The following CTNNA2 variants were observed in gnomAD, a reference collection of about 807,000 sequenced individuals.
The protein encoded by CTNNA2 is catenin alpha-2.
Under a neutral mutation model 101.0 loss-of-function variants are expected in CTNNA2, and 42 were observed. That is an observed-to-expected ratio of 0.42 (90% CI 0.32 to 0.54). The LOEUF is 0.54. CTNNA2 is among the 20% of genes least tolerant of loss of function. The pLI is 0.14. For synonymous variants in CTNNA2, 450 were observed against 456.4 expected (o/e 0.99, Z 0.18); for missense variants, 871 against 1,223.1 (o/e 0.71, Z 4.29).
At chr2:79,948,561 T>G (rs186727746) in intron 7 of CTNNA2, among the ~76,000 whole-genome samples, 34 of 152,316 alleles carry the variant, frequency 2.2e-4, no homozygotes, top group Admixed American at 7.8e-4. Flanking sequence ...AGAGAAGATA[T>G]TGATGTGAGA....
intron 2 of CTNNA2, among the ~76,000 whole-genome samples, chr2:79,280,663 A>AAG (rs1221321835): frequency 8.1e-5 from 4 of 49,346 alleles, no homozygotes; most frequent in Non-Finnish European, 1.1e-4. Flanking sequence ...GTGTAAGAGA[A>AAG]AGAGAGAGAG....
At chr2:80,151,855 C>T (rs1703721297) in intron 7 of CTNNA2, among the ~76,000 whole-genome samples, 1 of 152,234 alleles carries the variant, frequency 6.6e-6, no homozygotes, top group Non-Finnish European at 1.5e-5. Context: ...CAACCCCACT[C>T]TTTTCATCCT....
chr2:79,253,547 G>T (rs1216668847), intron 2 of CTNNA2, among the ~76,000 whole-genome samples: 1 of 152,190 alleles, frequency 6.6e-6, no homozygotes, highest in East Asian at 1.9e-4. Flanking sequence ...CTGGTAGGCT[G>T]CCAGGAACCC....
chr2:79,795,940 G>T (rs546040992), intron 3 of CTNNA2, among the ~76,000 whole-genome samples: 28 of 152,070 alleles, frequency 1.8e-4, no homozygotes, highest in Non-Finnish European at 2.5e-4. Flanking sequence ...ACTCAGTTCC[G>T]TTTTGTTATG....
intron 4 of CTNNA2, among the ~76,000 whole-genome samples, chr2:79,438,409 G>A (rs1393435147): frequency 6.6e-6 from 1 of 152,198 alleles, no homozygotes; most frequent in Non-Finnish European, 1.5e-5. Context: ...TTTTAGCACT[G>A]AAAGTCCTAT....
chr2:80,304,330 G>C (rs1437789553), intron 7 of CTNNA2: 1 of 152,936 alleles, frequency 6.5e-6, no homozygotes, highest in Non-Finnish European at 1.5e-5. Flanking sequence ...AGGGCGGCCG[G>C]CAAGGCGGGG....
At chr2:79,229,362 G>A (rs776751595) in intron 2 of CTNNA2, among the ~76,000 whole-genome samples, 1 of 152,086 alleles carries the variant, frequency 6.6e-6, no homozygotes, top group East Asian at 1.9e-4. Context: ...GGTCTTTCCC[G>A]TGCTATTCTC....
chr2:79,915,040 TG>T (rs1233824484), intron 7 of CTNNA2, among the ~76,000 whole-genome samples: 1 of 152,066 alleles, frequency 6.6e-6, no homozygotes, highest in Admixed American at 6.6e-5. Flanking sequence ...CCCGGTTTTA[TG>T]GCCTATACAC....
intron 3 of CTNNA2, among the ~76,000 whole-genome samples, chr2:79,855,220 C>T (rs201196947): frequency 1.3e-5 from 2 of 152,088 alleles, no homozygotes; most frequent in South Asian, 2.1e-4. Flanking sequence ...CTTTCTTTCT[C>T]TCTCTCTCTG....
At chr2:79,637,283 G>A (rs759871846) in intron 1 of CTNNA2, among the ~76,000 whole-genome samples, 8 of 152,198 alleles carry the variant, frequency 5.3e-5, no homozygotes, top group Non-Finnish European at 1.2e-4. Context: ...ACAGAAGAGA[G>A]AGTACAGTTG....
At chr2:80,367,002 G>A (rs1181916603) in intron 7 of CTNNA2, among the ~76,000 whole-genome samples, 1 of 135,768 alleles carries the variant, frequency 7.4e-6, no homozygotes, top group Non-Finnish European at 1.5e-5. Flanking sequence ...GAGACAAATG[G>A]TTGCATTTTT....
chr2:79,924,339 G>T (rs1183284679), intron 7 of CTNNA2, among the ~76,000 whole-genome samples: 2 of 151,974 alleles, frequency 1.3e-5, no homozygotes, highest in African/African-American at 4.8e-5. Context: ...CCCATTGCTG[G>T]CTTAGGATTT....
intron 7 of CTNNA2, among the ~76,000 whole-genome samples, chr2:80,014,324 T>C (rs1380636083): frequency 6.6e-6 from 1 of 151,810 alleles, no homozygotes; most frequent in Non-Finnish European, 1.5e-5. Flanking sequence ...AGGGCATGGT[T>C]CCGGAGGGGT....
chr2:80,248,229 G>T (rs1209140546), intron 7 of CTNNA2, among the ~76,000 whole-genome samples: 1 of 151,998 alleles, frequency 6.6e-6, no homozygotes, highest in African/African-American at 2.4e-5. Context: ...TCCTTCAGTC[G>T]GTTAGCAAGC....
chr2:80,338,074 T>C (rs1030823949), intron 7 of CTNNA2, among the ~76,000 whole-genome samples: 1 of 152,002 alleles, frequency 6.6e-6, no homozygotes, highest in Non-Finnish European at 1.5e-5. Context: ...CTGCAACCTC[T>C]GCCTCTTGGG....
intron 2 of CTNNA2, among the ~76,000 whole-genome samples, chr2:79,718,823 T>TG (rs202206631): frequency 1.5e-4 from 23 of 148,810 alleles, no homozygotes; most frequent in East Asian, 7.8e-4. Flanking sequence ...TTTTCCCACT[T>TG]GTTTTTTTTT....
intron 3 of CTNNA2, among the ~76,000 whole-genome samples, chr2:79,786,554 G>C (rs1479667804): frequency 1.3e-5 from 2 of 151,916 alleles, no homozygotes; most frequent in Non-Finnish European, 2.9e-5. Context: ...GGGCAGAGGT[G>C]AAACTAGTTG....
chr2:79,518,471 T>C lies in CTNNA2; in HGVS notation c.-6+5264T>C, dbSNP rs115760783. 3.1e-3 allele frequency among the ~76,000 whole-genome samples: 468 copies of C among 152,366 alleles called. 2 individuals carry two copies. Among genetic ancestry groups the C allele is most frequent in the African/African-American group, 0.011 (452 of 41,590 alleles). On this transcript the variant is annotated intron_variant, in intron 1 of 18. Transcript: ENST00000402739. Reference sequence around the variant, plus strand: ...CTGCAAGTTGAGTTTATGTTGTTCATTATGTATCTGCAGTAGGTCCAATAT... The same window carrying C: ...CTGCAAGTTGAGTTTATGTTGTTCACTATGTATCTGCAGTAGGTCCAATAT...
chr2:79,995,553 G>A (rs929428110), intron 7 of CTNNA2, among the ~76,000 whole-genome samples: 1 of 152,176 alleles, frequency 6.6e-6, no homozygotes, highest in Non-Finnish European at 1.5e-5. Context: ...TCTCATGCCT[G>A]TAATCCCAGC....
Sources: allele counts gnomAD v4.1 joint callset (sites outside exome capture counted in the v4.1 genomes callset), GRCh38; gene constraint gnomAD v4.1.1; transcripts MANE v1.5; gene names NCBI Gene and HGNC (gene_info 2026-07-23, HGNC 2026-07-21).